ATG7: variants seen among roughly 807,000 people sequenced by gnomAD.
ATG7 encodes the protein ubiquitin-like modifier-activating enzyme ATG7.
ATG7 carries 70 observed loss-of-function variants against 82.4 expected under a neutral mutation model. The observed-to-expected ratio is 0.85, with a 90% CI of 0.70 to 1.04. The LOEUF is 1.04. Ranked by LOEUF, ATG7 falls within the 50% of genes least tolerant of loss-of-function variation. The probability of loss-of-function intolerance (pLI) is 0.00; values close to 1 mark genes in which losing one functional copy is unlikely to be tolerated. For synonymous variants in ATG7, 287 were observed against 313.0 expected (o/e 0.92, Z 0.88); for missense variants, 792 against 864.3 (o/e 0.92, Z 1.05).
intron 11 of ATG7, among the ~76,000 whole-genome samples, chr3:11,334,198 C>T (rs981624989): frequency 6.6e-6 from 1 of 152,098 alleles, no homozygotes; most frequent in South Asian, 2.1e-4. Flanking sequence ...CAGAATAATT[C>T]CTCATCTCTA....
intron 1 of ATG7, among the ~76,000 whole-genome samples, chr3:11,276,028 G>T (rs1401570527): frequency 6.6e-6 from 1 of 152,196 alleles, no homozygotes; most frequent in African/African-American, 2.4e-5. Context: ...TAGACACATT[G>T]TGCTTTTGAC....
chr3:11,489,461 T>A (rs1436091370), intron 20 of ATG7, among the ~76,000 whole-genome samples: 1 of 140,418 alleles, frequency 7.1e-6, no homozygotes, highest in Non-Finnish European at 1.5e-5. Context: ...TTTGAAGGGT[T>A]TTTTGTGTCT....
intron 6 of ATG7, chr3:11,308,663 A>G (rs1347898032): frequency 1.0e-5 from 4 of 382,676 alleles, no homozygotes; most frequent in African/African-American, 6.1e-5. Context: ...TGCCTGGTAT[A>G]TAGTAGACAA....
At chr3:11,392,205 T>C (rs1207282965) in intron 19 of ATG7, among the ~76,000 whole-genome samples, 1 of 152,162 alleles carries the variant, frequency 6.6e-6, no homozygotes, top group Non-Finnish European at 1.5e-5. Flanking sequence ...TTTCTCAAAC[T>C]GTTTATGACA....
intron 20 of ATG7, among the ~76,000 whole-genome samples, chr3:11,436,697 C>T (rs539097242): frequency 6.6e-6 from 1 of 152,270 alleles, no homozygotes; most frequent in South Asian, 2.1e-4. Flanking sequence ...GATAAAATGT[C>T]AGCTATTACG....
At chr3:11,415,888 G>A (rs566263879) in intron 19 of ATG7, among the ~76,000 whole-genome samples, 3 of 151,752 alleles carry the variant, frequency 2.0e-5, no homozygotes, top group African/African-American at 7.3e-5. Context: ...ATAATTGTAC[G>A]TGGTACACTT....
intron 14 of ATG7, among the ~76,000 whole-genome samples, chr3:11,354,630 AGAGT>A (rs1335702636): frequency 7.2e-6 from 1 of 138,574 alleles, no homozygotes; most frequent in African/African-American, 2.8e-5. Context: ...GTCTGGTCAC[AGAGT>A]GAGACTCCAT....
chr3:11,304,030 G>A (rs888960429), intron 5 of ATG7, among the ~76,000 whole-genome samples: 1 of 152,074 alleles, frequency 6.6e-6, no homozygotes, highest in Non-Finnish European at 1.5e-5. Flanking sequence ...GGCGGAGCTT[G>A]CAGTGAGCCG....
At chr3:11,300,023 C>G (rs1293720133) in intron 5 of ATG7, among the ~76,000 whole-genome samples, 4 of 151,702 alleles carry the variant, frequency 2.6e-5, no homozygotes, top group Non-Finnish European at 5.9e-5. Flanking sequence ...CTCCTGAGTT[C>G]AAGCTTTTCT....
the ATG7 span, among the ~76,000 whole-genome samples, chr3:11,567,168 C>A: frequency 1.3e-5 from 2 of 152,136 alleles, no homozygotes; most frequent in East Asian, 1.9e-4. Context: ...TGACCCGAGG[C>A]GTTCCGAGCC....
At chr3:11,490,208 A>G (rs981129664) in intron 20 of ATG7, among the ~76,000 whole-genome samples, 4 of 152,154 alleles carry the variant, frequency 2.6e-5, no homozygotes, top group Non-Finnish European at 5.9e-5. Flanking sequence ...TTGTTGTTGA[A>G]TTGATCCCTT....
chr3:11,571,746 G>C, the ATG7 span, among the ~76,000 whole-genome samples: 11 of 152,142 alleles, frequency 7.2e-5, no homozygotes, highest in African/African-American at 2.2e-4. Flanking sequence ...CAACTCCATG[G>C]ACCCGGCAAC....
intron 19 of ATG7, among the ~76,000 whole-genome samples, chr3:11,423,855 C>A (rs2082144852): frequency 6.6e-6 from 1 of 152,180 alleles, no homozygotes; most frequent in Admixed American, 6.5e-5. Flanking sequence ...CCTTATTCTG[C>A]CAGTCCCTTG....
At chr3:11,335,250 T>C (rs1184569774) in intron 11 of ATG7, among the ~76,000 whole-genome samples, 1 of 151,922 alleles carries the variant, frequency 6.6e-6, no homozygotes, top group Non-Finnish European at 1.5e-5. Context: ...TTACATGCTA[T>C]ACCTTTGTTT....
intron 19 of ATG7, among the ~76,000 whole-genome samples, chr3:11,421,009 C>T (rs1576295036): frequency 6.6e-6 from 1 of 152,142 alleles, no homozygotes; most frequent in Non-Finnish European, 1.5e-5. Context: ...CCTGCCTCAG[C>T]CTCCCAAAGT....
intron 20 of ATG7, among the ~76,000 whole-genome samples, chr3:11,487,051 G>T (rs1454067131): frequency 6.6e-6 from 1 of 151,086 alleles, no homozygotes; most frequent in Non-Finnish European, 1.5e-5. Flanking sequence ...CGAGCATGCT[G>T]CCTTCAAGCA....
In ATG7 at chr3:11,286,665, C is replaced by G. The variant is rs1944109754; in HGVS notation, c.-11+4227C>G. 8.3e-5 allele frequency among the ~76,000 whole-genome samples: 11 copies of G among 133,276 alleles called. No individual in the cohort carries two copies. The Admixed American group carries it at 8.8e-4, about 11-fold the overall frequency. 87.4% of individuals were successfully genotyped at this position (133,276 alleles called of 152,430 possible). A position where few individuals can be genotyped will look rare whatever the true frequency, so the allele number is the denominator to read the frequency against. Reference sequence around the variant, plus strand: ...GAGTGCAGTGGTGCCATCTTGCCACCTTGGCTTACTGCAGCCTTAATCTCC... The same window carrying G: ...GAGTGCAGTGGTGCCATCTTGCCACGTTGGCTTACTGCAGCCTTAATCTCC... On this transcript the variant is annotated intron_variant, in intron 3 of 20. Transcript: ENST00000693202.
chr3:11,441,164 C>A (rs1039271162), intron 20 of ATG7, among the ~76,000 whole-genome samples: 1 of 152,118 alleles, frequency 6.6e-6, no homozygotes, highest in South Asian at 2.1e-4. Context: ...TTTATCCTAC[C>A]TTAATCCTCT....
chr3:11,485,932 T>G (rs2089580108), intron 20 of ATG7, among the ~76,000 whole-genome samples: 1 of 152,166 alleles, frequency 6.6e-6, no homozygotes, highest in Admixed American at 6.5e-5. Flanking sequence ...CCATGCTGTT[T>G]TGGTTACTGT....
Sources: allele counts gnomAD v4.1 joint callset (sites outside exome capture counted in the v4.1 genomes callset), GRCh38; gene constraint gnomAD v4.1.1; transcripts MANE v1.5; gene names NCBI Gene and HGNC (gene_info 2026-07-23, HGNC 2026-07-21).